The following MYT1L variants were observed in gnomAD, a reference collection of about 807,000 sequenced individuals.
MYT1L encodes myelin transcription factor 1-like protein.
Under a neutral mutation model 126.7 loss-of-function variants are expected in MYT1L, and 12 were observed. The ratio of observed to expected loss-of-function variants is 0.09; its 90% CI spans 0.06 to 0.15. The LOEUF is 0.15. MYT1L is among the 10% of genes least tolerant of loss of function. MYT1L has a pLI of 1.00. For synonymous variants in MYT1L, 541 were observed against 604.2 expected (o/e 0.90, Z 1.53); for missense variants, 979 against 1,585.2 (o/e 0.62, Z 6.49).
At chr2:1,882,472 A>G (rs940961542) in intron 18 of MYT1L, among the ~76,000 whole-genome samples, 1 of 152,198 alleles carries the variant, frequency 6.6e-6, no homozygotes, top group Non-Finnish European at 1.5e-5. Flanking sequence ...TCTCCTCCCA[A>G]TGTGGAGGCT....
At chr2:2,087,140 C>G (rs1034273548) in intron 3 of MYT1L, among the ~76,000 whole-genome samples, 6 of 152,210 alleles carry the variant, frequency 3.9e-5, no homozygotes, top group Non-Finnish European at 8.8e-5. Context: ...CACAGTTTAT[C>G]ATCCGCCTGC....
At chr2:2,219,675 C>T (rs1410236534) in intron 2 of MYT1L, among the ~76,000 whole-genome samples, 1 of 152,188 alleles carries the variant, frequency 6.6e-6, no homozygotes, top group Non-Finnish European at 1.5e-5. Context: ...TCTCCTCTGC[C>T]TTTGCCTCTT....
chr2:2,267,389 G>A (rs1291427588), intron 2 of MYT1L, among the ~76,000 whole-genome samples: 1 of 152,216 alleles, frequency 6.6e-6, no homozygotes, highest in Non-Finnish European at 1.5e-5. Flanking sequence ...AAAAAGCGGA[G>A]CAGAGTGTAA....
chr2:2,129,701 T>C (rs1312807320), intron 3 of MYT1L, among the ~76,000 whole-genome samples: 2 of 152,100 alleles, frequency 1.3e-5, no homozygotes, highest in African/African-American at 4.8e-5. Context: ...GGTCAGGAGA[T>C]CGAGACCATC....
intron 3 of MYT1L, among the ~76,000 whole-genome samples, chr2:2,150,547 T>A (rs1260425204): frequency 6.6e-6 from 1 of 152,192 alleles, no homozygotes; most frequent in African/African-American, 2.4e-5. Flanking sequence ...TCTTTCCAAC[T>A]AAGACCAATT....
At position 2,219,750 on chromosome 2, in the gene MYT1L, A is replaced by G. The variant is rs186172428; in HGVS notation, c.-420-46762T>C. ...GGAATGTGAGGTCCTGTTCCAGCCA[A>G]TGGAAACTGGACACAGTAGTGAGGT... is the stretch of plus-strand genomic sequence containing the variant. On this transcript the variant is annotated intron_variant, in intron 2 of 24. Transcript: ENST00000647738. Among the ~76,000 whole-genome samples the G allele has an allele frequency of 7.0e-4, 106 of 152,324 alleles. 1 individual carries two copies. Among genetic ancestry groups the G allele is most frequent in the African/African-American group, 2.5e-3 (103 of 41,562 alleles).
intron 9 of MYT1L, among the ~76,000 whole-genome samples, chr2:1,931,877 C>G (rs116448738): frequency 0.014 from 2,063 of 152,234 alleles, 52 homozygotes; most frequent in African/African-American, 0.047. Context: ...AGGAAAGGAG[C>G]GTGCATCACC....
At chr2:2,060,149 G>A (rs1364535093) in intron 3 of MYT1L, among the ~76,000 whole-genome samples, 1 of 152,212 alleles carries the variant, frequency 6.6e-6, no homozygotes, top group East Asian at 1.9e-4. Context: ...GTGGCAGCAA[G>A]GAAGGACTGC....
chr2:2,272,945 T>C (rs537239500), intron 2 of MYT1L, among the ~76,000 whole-genome samples: 1 of 152,230 alleles, frequency 6.6e-6, no homozygotes, highest in East Asian at 1.9e-4. Flanking sequence ...CCTGTGCCCC[T>C]GCAGCCCCTG....
intron 21 of MYT1L, among the ~76,000 whole-genome samples, chr2:1,820,589 C>A (rs1445085472): frequency 6.6e-6 from 1 of 152,086 alleles, no homozygotes; most frequent in Non-Finnish European, 1.5e-5. Context: ...CTGTTGTTAC[C>A]TAGGCTGGAG....
intron 1 of MYT1L, among the ~76,000 whole-genome samples, chr2:2,306,525 G>A (rs545145823): frequency 6.6e-6 from 1 of 152,232 alleles, no homozygotes; most frequent in South Asian, 2.1e-4. Context: ...GCACTCATGT[G>A]TCCTAAGGGC....
chr2:2,317,692 G>A (rs2096090233), intron 1 of MYT1L, among the ~76,000 whole-genome samples: 3 of 152,196 alleles, frequency 2.0e-5, no homozygotes, highest in South Asian at 2.1e-4. Context: ...GTTTCCCTGT[G>A]TCATGGGTCA....
chr2:1,903,521 A>G (rs761780987), intron 13 of MYT1L, among the ~76,000 whole-genome samples: 3 of 152,222 alleles, frequency 2.0e-5, no homozygotes, highest in Non-Finnish European at 2.9e-5. Flanking sequence ...AAAAAAGGAC[A>G]AGAAATAAAA....
intron 3 of MYT1L, among the ~76,000 whole-genome samples, chr2:2,111,878 T>C (rs530977018): frequency 2.6e-5 from 4 of 152,372 alleles, no homozygotes; most frequent in East Asian, 1.9e-4. Flanking sequence ...TTGGCTGCCA[T>C]GGTGGGCGTT....
At chr2:2,018,204 T>C (rs545446810) in intron 4 of MYT1L, among the ~76,000 whole-genome samples, 1 of 152,244 alleles carries the variant, frequency 6.6e-6, no homozygotes, top group Non-Finnish European at 1.5e-5. Context: ...CTTAATAATA[T>C]TCTAGGGCAG....
chr2:2,115,524 G>C (rs999210023), intron 3 of MYT1L, among the ~76,000 whole-genome samples: 2 of 152,148 alleles, frequency 1.3e-5, no homozygotes, highest in African/African-American at 4.8e-5. Context: ...AAAGCGAAGT[G>C]ACAATGAACA....
intron 4 of MYT1L, among the ~76,000 whole-genome samples, chr2:2,017,981 C>T (rs2064609221): frequency 6.6e-6 from 1 of 152,174 alleles, no homozygotes; most frequent in Non-Finnish European, 1.5e-5. Context: ...TGTACACAAG[C>T]ACTACACTCT....
At chr2:1,948,237 G>T (rs532398499) in intron 8 of MYT1L, among the ~76,000 whole-genome samples, 18 of 152,168 alleles carry the variant, frequency 1.2e-4, no homozygotes, top group Non-Finnish European at 2.5e-4. Context: ...ATCATCTGGC[G>T]TCAAACTTCC....
rs2043147746 is a variant in MYT1L, at chr2:1,850,628, CT to C, written c.2774+1012del. On this transcript the variant is annotated intron_variant, in intron 19 of 24. Transcript: ENST00000647738. Reference sequence around the variant, plus strand: ...TTTACTAGAATGCACCCGACCTTGGCTTCCCTCTCTGTGCTTGTAGGATCCA... The same window carrying C: ...TTTACTAGAATGCACCCGACCTTGGCTCCCTCTCTGTGCTTGTAGGATCCA... Among the ~76,000 whole-genome samples, 3 of 152,254 alleles carry C rather than the reference CT, an allele frequency of 2.0e-5. No homozygotes were observed. The East Asian group carries it at 5.8e-4, about 29-fold the overall frequency.
Sources: allele counts gnomAD v4.1 joint callset (sites outside exome capture counted in the v4.1 genomes callset), GRCh38; gene constraint gnomAD v4.1.1; transcripts MANE v1.5; gene names NCBI Gene and HGNC (gene_info 2026-07-23, HGNC 2026-07-21).